The following RPH3AL variants were observed in gnomAD, a reference collection of about 807,000 sequenced individuals.
The protein encoded by RPH3AL is rab effector Noc2.
A neutral mutation model predicts 43.1 loss-of-function variants in RPH3AL; 38 were observed. That is an observed-to-expected ratio of 0.88 (90% CI 0.68 to 1.15). RPH3AL has a LOEUF of 1.15. RPH3AL is among the 50% of genes most tolerant of loss of function. The pLI is 0.00. For synonymous variants in RPH3AL, 189 were observed against 176.3 expected (o/e 1.07, Z -0.57); for missense variants, 462 against 423.2 (o/e 1.09, Z -0.81).
At position 327,526 on chromosome 17, in the gene RPH3AL, G is replaced by A. The variant is rs62054986; in HGVS notation, c.18C>T (p.Phe6=). The change falls in exon 3 of 10, where the codon TTC becomes TTT. Residue 6 remains phenylalanine (F), a synonymous_variant. Coordinates refer to ENST00000331302, the MANE Select transcript of RPH3AL (RefSeq NM_006987.4). The stretch of plus-strand genomic sequence containing the variant: ...AAACCCACTGATCATTCCCGCTGCC[G>A]AAGATGGTGTCGGCCATGGCTCGGA... The part of the protein sequence containing the change: MADTI[F]GSGNDQWVCP... The A allele has an allele frequency of 1.7e-5, 27 of 1,613,890 alleles. No homozygotes were observed. Among genetic ancestry groups the A allele is most frequent in the Non-Finnish European group, 2.2e-5 (26 of 1,179,958 alleles).
rs572891578 is a variant in RPH3AL at position 269,044 on chromosome 17, A to C, written c.438+12724T>G. On this transcript the variant is annotated intron_variant, in intron 6 of 9. Transcript: ENST00000331302. ...CAGGCGCCCGCCACCACGCCTGGCT[A>C]ATTTTTTGTATTTTTAGTAGAGACG... is the stretch of plus-strand genomic sequence containing the variant. 4.5e-3 allele frequency among the ~76,000 whole-genome samples: 686 copies of C among 151,482 alleles called. 5 individuals are homozygous for C. The highest frequency in any genetic ancestry group is 0.017 in the Middle Eastern group (5 of 292).
Position 307,063 on chromosome 17 carries a change from C to G in RPH3AL, c.351+12357G>C, listed in dbSNP as rs145530258. On this transcript the variant is annotated intron_variant, in intron 5 of 9. Transcript: ENST00000331302. ...GGGCCTCCCCCACCTCCCCAGGTGC[C>G]GCAGCTCACCCATGGCAGGTCCTCC... Among the ~76,000 whole-genome samples, 390 of 152,098 alleles carry G rather than the reference C, an allele frequency of 2.6e-3. 2 individuals are homozygous for G. The highest frequency in any genetic ancestry group is 9.1e-3 in the African/African-American group (378 of 41,486).
At chr17:229,411 A>G (rs1416762128) in intron 7 of RPH3AL, among the ~76,000 whole-genome samples, 3 of 152,256 alleles carry the variant, frequency 2.0e-5, no homozygotes, top group Non-Finnish European at 4.4e-5. Flanking sequence ...CGCACTGTAC[A>G]AAGACAGCAG....
intron 7 of RPH3AL, among the ~76,000 whole-genome samples, chr17:237,827 C>T (rs569439211): frequency 9.7e-4 from 147 of 152,300 alleles, no homozygotes; most frequent in Non-Finnish European, 1.3e-3. Context: ...GTCAGGCGCT[C>T]AGTCACAATT....
At chr17:314,679 T>C (rs1163764314) in intron 5 of RPH3AL, among the ~76,000 whole-genome samples, 1 of 59,760 alleles carries the variant, frequency 1.7e-5, no homozygotes, top group Non-Finnish European at 4.5e-5. Context: ...GTAGTCTCTG[T>C]GACTCCACCT....
rs1245464743 is a variant in RPH3AL at position 345,753 on chromosome 17, C to T, written c.-213+6959G>A. On this transcript the variant is annotated intron_variant, in intron 1 of 9. Coordinates refer to ENST00000331302, the MANE Select transcript of RPH3AL (RefSeq NM_006987.4). ...CTGGGGCACGCGTGCTCCCCATCTG[C>T]GTGCACACCCTGCTGGGGCACGCGT... is the stretch of plus-strand genomic sequence containing the variant. Among the ~76,000 whole-genome samples, 4 of 124,548 alleles carry T rather than the reference C, an allele frequency of 3.2e-5. 1 individual carries two copies. Among genetic ancestry groups the T allele is most frequent in the East Asian group, 5.5e-4 (2 of 3,628 alleles). 81.7% of individuals were successfully genotyped at this position (124,548 alleles called of 152,430 possible). A position where few individuals can be genotyped will look rare whatever the true frequency, so the allele number is the denominator to read the frequency against.
At chr17:240,559 T>C (rs1317345482) in intron 7 of RPH3AL, among the ~76,000 whole-genome samples, 1 of 152,182 alleles carries the variant, frequency 6.6e-6, no homozygotes, top group Non-Finnish European at 1.5e-5. Context: ...ACGCGGCCTT[T>C]CGTCTCCGGC....
rs2043581103 is a variant in RPH3AL at position 309,456 on chromosome 17, T to TCCAGGGC, written c.351+9963_351+9964insGCCCTGG. The stretch of plus-strand genomic sequence containing the variant: ...GGGGGTCCGGGATACGGCACATCCC[T>TCCAGGGC]TGTCCAGGGCTCCTGCCAGCCCCCC... On this transcript the variant is annotated intron_variant, in intron 5 of 9. Coordinates refer to ENST00000331302, the MANE Select transcript of RPH3AL (RefSeq NM_006987.4). 1.7e-4 allele frequency among the ~76,000 whole-genome samples: 3 copies of TCCAGGGC among 18,098 alleles called. No homozygotes were observed. The East Asian group carries it at 0.013, about 79-fold the overall frequency. 11.9% of individuals were successfully genotyped at this position (18,098 alleles called of 152,430 possible). A position where few individuals can be genotyped will look rare whatever the true frequency, so the allele number is the denominator to read the frequency against.
chr17:308,407 T>C (rs2043555887), intron 5 of RPH3AL, among the ~76,000 whole-genome samples: 1 of 152,172 alleles, frequency 6.6e-6, no homozygotes, highest in East Asian at 1.9e-4. Context: ...CTCAAACAGG[T>C]AAACACAGAA....
At position 260,539 on chromosome 17, in the gene RPH3AL, G is replaced by C. The variant is rs139457111; in HGVS notation, c.439-13254C>G. On this transcript the variant is annotated intron_variant, in intron 6 of 9. Transcript: ENST00000331302. ...TCGCCTTCAAGGGAGACTGCGTTCT[G>C]TCTGCCTAACAAGCTCCAGACTGAA... 6.6e-5 allele frequency among the ~76,000 whole-genome samples: 10 copies of C among 152,326 alleles called. No individual in the cohort carries two copies. In the East Asian group the frequency reaches 1.7e-3, roughly 26 times the overall value.
chr17:246,978 G>T lies in RPH3AL; in HGVS notation c.613+133C>A. 2.1e-6 allele frequency: 2 copies of T among 931,618 alleles called. No individual in the cohort carries two copies. Among genetic ancestry groups the T allele is most frequent in the Non-Finnish European group, 1.7e-6 (1 of 587,404 alleles). The allele number at this position is 931,618 out of a possible 1,614,324, so 57.7% of individuals were successfully genotyped here. A position where few individuals can be genotyped will look rare whatever the true frequency, so the allele number is the denominator to read the frequency against. ...AGAAGGTGTGGAGCTGAGGGCACAG[G>T]GAGGGACGCATCACCAGAATGAGCC... On this transcript the variant is annotated intron_variant, in intron 7 of 9. Coordinates refer to ENST00000331302, the MANE Select transcript of RPH3AL (RefSeq NM_006987.4). The surrounding 1 kb of genome is among the most constrained non-coding windows in gnomAD (Gnocchi z 4.8).
chr17:227,000 A>G (rs1378631473), intron 7 of RPH3AL, among the ~76,000 whole-genome samples: 3 of 152,174 alleles, frequency 2.0e-5, no homozygotes, highest in African/African-American at 7.2e-5. Context: ...ACCAGGGAGA[A>G]GGCTGTCCCA....
intron 3 of RPH3AL, 87 bp from the exon 4 acceptor site, chr17:321,502 AAC>A: frequency 7.1e-7 from 1 of 1,416,496 alleles, no homozygotes; most frequent in Non-Finnish European, 9.3e-7. Context: ...CCCCCCCGAG[AAC>A]AGTCAGTGGA....
intron 3 of RPH3AL, among the ~76,000 whole-genome samples, chr17:325,388 A>T (rs1003835004): frequency 6.6e-6 from 1 of 151,884 alleles, no homozygotes; most frequent in Non-Finnish European, 1.5e-5. Context: ...CTACCTCTCC[A>T]TCTTCCTTCC....
At position 292,263 on chromosome 17, in the gene RPH3AL, C is replaced by T. The variant is rs540250442; in HGVS notation, c.352-10409G>A. Among the ~76,000 whole-genome samples, 4 of 152,366 alleles carry T rather than the reference C, an allele frequency of 2.6e-5. No homozygotes were observed. The South Asian group carries it at 8.3e-4, about 32-fold the overall frequency. On this transcript the variant is annotated intron_variant, in intron 5 of 9. Transcript: ENST00000331302. ...GCCAGGCTTGGAGAAGCATCACCTGCCCCAGTGGGCCAGCAGCGGAAAGGC... is the reference window on the plus strand; with the variant it reads ...GCCAGGCTTGGAGAAGCATCACCTGTCCCAGTGGGCCAGCAGCGGAAAGGC...
intron 3 of RPH3AL, among the ~76,000 whole-genome samples, chr17:324,707 G>GCTAGCTAGCTAGCTAGC (rs1567524419): frequency 6.9e-5 from 9 of 130,508 alleles, no homozygotes; most frequent in African/African-American, 2.5e-4. Flanking sequence ...AGCTAGCTAT[G>GCTAGCTAGCTAGCTAGC]TACCTATCTA....
chr17:269,138 A>C (rs183148630), intron 6 of RPH3AL, among the ~76,000 whole-genome samples: 1 of 152,056 alleles, frequency 6.6e-6, no homozygotes, highest in Non-Finnish European at 1.5e-5. Flanking sequence ...TTGGCTTCCT[A>C]AAGTGCTGGG....
intron 5 of RPH3AL, among the ~76,000 whole-genome samples, chr17:286,078 G>T (rs2042902760): frequency 6.6e-6 from 1 of 152,192 alleles, no homozygotes; most frequent in African/African-American, 2.4e-5. Context: ...CCCTGTGGGG[G>T]GGTTTGAGGG....
At chr17:319,397 A>G in intron 5 of RPH3AL, 23 bp downstream of exon 5, 2 of 1,608,070 alleles carry the variant, frequency 1.2e-6, no homozygotes, top group East Asian at 2.2e-5. Flanking sequence ...AGCCAGAATG[A>G]CAGGGCCAGA....
Sources: gnomAD v4.1 joint callset for allele counts (sites outside exome capture counted in the v4.1 genomes callset) on GRCh38, gnomAD v4.1.1 for gene constraint, Gnocchi (gnomAD v3.1) non-coding constraint, MANE v1.5 for transcripts, NCBI Gene and HGNC (gene_info 2026-07-23, HGNC 2026-07-21) for gene names.